CAPN3: variants seen among roughly 807,000 people sequenced by gnomAD.
CAPN3 encodes the protein calpain-3.
CAPN3 carries 88 observed loss-of-function variants against 114.0 expected under a neutral mutation model. The ratio of observed to expected loss-of-function variants is 0.77; its 90% CI spans 0.65 to 0.92. The LOEUF is 0.92. Among genes scored for constraint, CAPN3 ranks in the 40% least tolerant of loss-of-function variants. The probability of loss-of-function intolerance (pLI) is 0.00; values close to 1 mark genes in which losing one functional copy is unlikely to be tolerated. For missense variants in CAPN3, 1,028 were observed against 1,069.0 expected (o/e 0.96, Z 0.53); for synonymous variants, 386 against 382.9 (o/e 1.01, Z -0.09).
At chr15:42,393,259 A>G (rs2053607132) in intron 7 of CAPN3, among the ~76,000 whole-genome samples, 1 of 152,202 alleles carries the variant, frequency 6.6e-6, no homozygotes, top group African/African-American at 2.4e-5. Flanking sequence ...TAGTTATTGC[A>G]CTGCATTGGG....
chr15:42,371,102 AAAT>A (rs1409858763), intron 1 of CAPN3, among the ~76,000 whole-genome samples: 17 of 152,246 alleles, frequency 1.1e-4, no homozygotes, highest in African/African-American at 4.1e-4. Flanking sequence ...ATGAGTCAAT[AAAT>A]AATGATGATA....
At position 42,394,327 on chromosome 15, in the gene CAPN3, T is replaced by G; in HGVS notation, c.1101T>G (p.Gly367=). The G allele has an allele frequency of 6.4e-7, 1 of 1,560,276 alleles. No individual in the cohort carries two copies. Among genetic ancestry groups the G allele is most frequent in the Non-Finnish European group, 8.7e-7 (1 of 1,151,610 alleles). ...RNPWGQVEWN[G]SWSDRWKDWS... is the part of the protein sequence containing the mutation. ...CGTGGGGCCAGGTGGAGTGGAACGGTTCTTGGAGTGATAGGTAGGTGAGGG... is the reference window on the plus strand; with the variant it reads ...CGTGGGGCCAGGTGGAGTGGAACGGGTCTTGGAGTGATAGGTAGGTGAGGG... The change falls in exon 8 of 24, where the codon GGT becomes GGG. Residue 367 remains glycine, a synonymous_variant. Coordinates refer to ENST00000397163, the MANE Select transcript of CAPN3 (RefSeq NM_000070.3).
intron 7 of CAPN3, among the ~76,000 whole-genome samples, chr15:42,393,681 C>T (rs1310488384): frequency 6.6e-6 from 1 of 151,608 alleles, no homozygotes; most frequent in Non-Finnish European, 1.5e-5. Context: ...GCAATGTCCG[C>T]CTCCTGGATT....
intron 1 of CAPN3, among the ~76,000 whole-genome samples, chr15:42,381,447 T>A (rs373078533): frequency 1.3e-5 from 2 of 152,244 alleles, no homozygotes; most frequent in South Asian, 2.1e-4. Context: ...TCTCCTTTGA[T>A]TTAAAATGGT....
rs28364535 is a variant in CAPN3 at position 42,410,247 on chromosome 15, C to T, written c.2116-181C>T. Among the ~76,000 whole-genome samples, 960 of 152,232 alleles carry T rather than the reference C, an allele frequency of 6.3e-3. 10 individuals are homozygous for T. The highest frequency in any genetic ancestry group is 0.022 in the African/African-American group (927 of 41,536). ...GGATCCTGCCCAAGCAAAAGTGGTC[C>T]TTAGGAGAGCGGCTCCTGGGTTACA... On this transcript the variant is annotated intron_variant, in intron 19 of 23. Coordinates refer to ENST00000397163, the MANE Select transcript of CAPN3 (RefSeq NM_000070.3).
chr15:42,398,101 A>G (rs2053752863), intron 9 of CAPN3, among the ~76,000 whole-genome samples: 1 of 133,070 alleles, frequency 7.5e-6, no homozygotes. Context: ...AGCTATATAT[A>G]TTTTTGGGGT....
chr15:42,398,620 CACACACACACACACATATATAT>C (rs1299580407), intron 9 of CAPN3, among the ~76,000 whole-genome samples: 5 of 149,394 alleles, frequency 3.3e-5, no homozygotes, highest in African/African-American at 1.3e-4. Context: ...CACACACACA[CACACACACACACACATATATAT>C]ACACACATAT....
In CAPN3 at chr15:42,359,727, C is replaced by T. The variant is rs2052587893; in HGVS notation, c.-79C>T. The T allele has an allele frequency of 6.2e-7, 1 of 1,604,578 alleles. No individual in the cohort carries two copies. Among genetic ancestry groups the T allele is most frequent in the Non-Finnish European group, 8.5e-7 (1 of 1,177,378 alleles). On this transcript the variant is annotated 5_prime_UTR_variant, in exon 1 of 24. Coordinates refer to ENST00000397163, the MANE Select transcript of CAPN3 (RefSeq NM_000070.3). ...GATGACAGAATTACTCCAACTTCCC[C>T]TTTGCAGTTGCTTCCTTTCCTTGAA...
intron 13 of CAPN3, 44 bp downstream of exon 13, chr15:42,403,046 A>T (rs751542528): frequency 6.5e-7 from 1 of 1,531,104 alleles, no homozygotes; most frequent in Non-Finnish European, 9.0e-7. Context: ...AAAAGCTCAC[A>T]TGGCCCACTC....
chr15:42,390,229 G>A, intron 6 of CAPN3, 133 bp downstream of exon 6: 1 of 1,016,874 alleles, frequency 9.8e-7, no homozygotes, highest in South Asian at 1.4e-5. Flanking sequence ...AAGGGTCTGG[G>A]TTGAAATAAC....
Position 42,386,261 on chromosome 15 carries a change from C to A in CAPN3, c.474C>A (p.Asn158Lys). ...VIPHDQSFIE[N>K]YAGIFHFQFW... ...CCCATGATCAAAGTTTCATCGAAAACTACGCAGGGATCTTCCACTTCCAGG... is the reference window on the plus strand; with the variant it reads ...CCCATGATCAAAGTTTCATCGAAAAATACGCAGGGATCTTCCACTTCCAGG... The change falls in exon 3 of 24, where the codon AAC becomes AAA. Residue 158 changes from asparagine (N) to lysine (K), a missense_variant. By Grantham distance (94) the Asn-to-Lys change is moderately conservative. Coordinates refer to ENST00000397163, the MANE Select transcript of CAPN3 (RefSeq NM_000070.3). The A allele has an allele frequency of 6.2e-7, 1 of 1,613,260 alleles. No individual in the cohort carries two copies. The highest frequency in any genetic ancestry group is 8.5e-7 in the Non-Finnish European group (1 of 1,179,198).
chr15:42,368,979 TG>T (rs1042248299), intron 1 of CAPN3, among the ~76,000 whole-genome samples: 1 of 152,112 alleles, frequency 6.6e-6, no homozygotes, highest in Admixed American at 6.6e-5. Flanking sequence ...ACATGAAAAA[TG>T]GCTCAATAAA....
intron 1 of CAPN3, among the ~76,000 whole-genome samples, chr15:42,368,363 A>G (rs2052843131): frequency 6.6e-6 from 1 of 152,224 alleles, no homozygotes; most frequent in African/African-American, 2.4e-5. Flanking sequence ...TAGTGCTGAA[A>G]TGCTGTCTAG....
At chr15:42,408,609 A>G in intron 16 of CAPN3, 1 of 418,386 alleles carries the variant, frequency 2.4e-6, no homozygotes, top group South Asian at 2.0e-5. Flanking sequence ...AAAGGCTGAG[A>G]CAGAACCAGC....
chr15:42,412,247 C>A lies in CAPN3; in HGVS notation c.*474C>A. The A allele has an allele frequency of 6.9e-7, 1 of 1,446,680 alleles. No individual in the cohort carries two copies. Among genetic ancestry groups the A allele is most frequent in the Non-Finnish European group, 9.3e-7 (1 of 1,070,734 alleles). 89.6% of individuals were successfully genotyped at this position (1,446,680 alleles called of 1,614,324 possible). A position where few individuals can be genotyped will look rare whatever the true frequency, so the allele number is the denominator to read the frequency against. On this transcript the variant is annotated 3_prime_UTR_variant, in exon 24 of 24. Transcript: ENST00000397163. ...GTGGAATAGGGCTGGTTACTTTGGGCTGTCCAACTCATAAGTTTGGCTGCA... is the reference window on the plus strand; with the variant it reads ...GTGGAATAGGGCTGGTTACTTTGGGATGTCCAACTCATAAGTTTGGCTGCA...
At chr15:42,377,357 G>C (rs975962948) in intron 1 of CAPN3, among the ~76,000 whole-genome samples, 1 of 152,128 alleles carries the variant, frequency 6.6e-6, no homozygotes, top group Admixed American at 6.5e-5. Flanking sequence ...TCTCTTCCTA[G>C]TTAGCTGAGA....
At position 42,387,770 on chromosome 15, in the gene CAPN3, G is replaced by A; in HGVS notation, c.516G>A (p.Glu172=). 1 of 1,614,224 alleles carries A rather than the reference G, an allele frequency of 6.2e-7. No individual in the cohort carries two copies. The highest frequency in any genetic ancestry group is 8.5e-7 in the Non-Finnish European group (1 of 1,180,040). ...CTGTGCAGTTCTGGCGCTATGGAGAGTGGGTGGACGTGGTTATAGATGACT... is the reference window on the plus strand; with the variant it reads ...CTGTGCAGTTCTGGCGCTATGGAGAATGGGTGGACGTGGTTATAGATGACT... ...IFHFQFWRYG[E]WVDVVIDDCL... The change falls in exon 4 of 24, where the codon GAG becomes GAA. Residue 172 remains glutamate (E), a synonymous_variant. Transcript: ENST00000397163.
chr15:42,402,514 T>C (rs1566980868), intron 12 of CAPN3: 1 of 1,433,152 alleles, frequency 7.0e-7, no homozygotes, highest in Non-Finnish European at 9.1e-7. Flanking sequence ...TCCTTGGGGG[T>C]CCTTCCAGCC....
Position 42,410,896 on chromosome 15 carries a change from A to C in CAPN3, c.2276A>C (p.Asn759Thr), listed in dbSNP as rs1346532563. The C allele has an allele frequency of 1.9e-6, 3 of 1,614,026 alleles. No homozygotes were observed. The highest frequency in any genetic ancestry group is 1.7e-6 in the Non-Finnish European group (2 of 1,179,852). ...NAVNDAGFHL[N>T]NQLYDIITMR... The stretch of plus-strand genomic sequence containing the variant: ...GTCCCCTCCACAGGATTCCACCTCA[A>C]CAACCAGCTCTATGACATCATTACC... Residue 759 changes from asparagine to threonine, a missense_variant, in exon 22 of 24, where the codon AAC becomes ACC. Asn to Thr is a moderately conservative substitution (Grantham distance 65). Coordinates refer to ENST00000397163, the MANE Select transcript of CAPN3 (RefSeq NM_000070.3).
Sources: allele counts gnomAD v4.1 joint callset (sites outside exome capture counted in the v4.1 genomes callset), GRCh38; gene constraint gnomAD v4.1.1; transcripts MANE v1.5; gene names NCBI Gene and HGNC (gene_info 2026-07-23, HGNC 2026-07-21).